NALF1: variants seen among roughly 807,000 people sequenced by gnomAD.
NALF1 encodes the protein NALCN channel auxiliary factor 1, also known as family with sequence similarity 155 member A.
In NALF1, 3 loss-of-function variants were observed where a neutral mutation model predicts 48.4. The ratio of observed to expected loss-of-function variants is 0.06; its 90% CI spans 0.03 to 0.16. The LOEUF is 0.16. Ranked by LOEUF, NALF1 falls within the 10% of genes least tolerant of loss-of-function variation. The pLI is 1.00. For synonymous variants in NALF1, 262 were observed against 245.7 expected (o/e 1.07, Z -0.62); for missense variants, 526 against 571.5 (o/e 0.92, Z 0.81).
intron 1 of NALF1, among the ~76,000 whole-genome samples, chr13:107,572,353 T>C (rs1458377992): frequency 6.6e-6 from 1 of 152,150 alleles, no homozygotes; most frequent in Non-Finnish European, 1.5e-5. Context: ...GGATACTTAC[T>C]GCCCATTATA....
chr13:107,514,366 T>C (rs1171775747), intron 1 of NALF1, among the ~76,000 whole-genome samples: 2 of 152,182 alleles, frequency 1.3e-5, no homozygotes, highest in Non-Finnish European at 2.9e-5. Context: ...CACATGTCAA[T>C]GAACAAATGG....
intron 1 of NALF1, among the ~76,000 whole-genome samples, chr13:107,354,281 T>C (rs979595258): frequency 4.6e-5 from 7 of 152,160 alleles, no homozygotes; most frequent in African/African-American, 1.7e-4. Flanking sequence ...AGAGTACACT[T>C]GTGCTGCACG....
At chr13:107,379,638 A>T (rs1883397244) in intron 1 of NALF1, among the ~76,000 whole-genome samples, 1 of 151,918 alleles carries the variant, frequency 6.6e-6, no homozygotes, top group Non-Finnish European at 1.5e-5. Context: ...TGTGCTCAGG[A>T]CTCCAGGAGT....
At chr13:107,637,069 T>C (rs1879997787) in intron 1 of NALF1, among the ~76,000 whole-genome samples, 1 of 151,848 alleles carries the variant, frequency 6.6e-6, no homozygotes, top group Admixed American at 6.6e-5. Flanking sequence ...CTATACAGAT[T>C]TGCAGCCTAG....
At chr13:107,400,025 C>A (rs565650853) in intron 1 of NALF1, among the ~76,000 whole-genome samples, 6 of 151,944 alleles carry the variant, frequency 3.9e-5, no homozygotes, top group African/African-American at 1.4e-4. Context: ...GACAATAGAA[C>A]TAAAATTTTT....
At chr13:107,270,521 G>A (rs1218343124) in intron 1 of NALF1, among the ~76,000 whole-genome samples, 2 of 151,936 alleles carry the variant, frequency 1.3e-5, no homozygotes, top group Non-Finnish European at 2.9e-5. Context: ...TGTTAGGTGT[G>A]ATTTTCAGTA....
chr13:107,686,816 C>G (rs911115646), intron 1 of NALF1, among the ~76,000 whole-genome samples: 3 of 151,900 alleles, frequency 2.0e-5, no homozygotes, highest in African/African-American at 7.3e-5. Context: ...TTGGTGAGGG[C>G]GTGGAGAAAA....
chr13:107,456,010 A>G (rs890923613), intron 1 of NALF1, among the ~76,000 whole-genome samples: 1 of 152,174 alleles, frequency 6.6e-6, no homozygotes, highest in African/African-American at 2.4e-5. Flanking sequence ...TTGTGGGCAA[A>G]AGTTTTAAAC....
At chr13:107,191,935 G>A (rs1197178694) in intron 2 of NALF1, among the ~76,000 whole-genome samples, 2 of 149,298 alleles carry the variant, frequency 1.3e-5, no homozygotes, top group Admixed American at 6.8e-5. Context: ...GCCCACCTTG[G>A]CTTCCCAAAG....
At chr13:107,438,827 CAAAAAA>C (rs61686895) in intron 1 of NALF1, among the ~76,000 whole-genome samples, 34 of 17,956 alleles carry the variant, frequency 1.9e-3, no homozygotes, top group African/African-American at 5.1e-3. Flanking sequence ...GACTCCATCT[CAAAAAA>C]AAAAAAAAAA....
intron 1 of NALF1, among the ~76,000 whole-genome samples, chr13:107,442,379 C>A (rs1884574997): frequency 6.6e-6 from 1 of 152,168 alleles, no homozygotes; most frequent in African/African-American, 2.4e-5. Context: ...CTATGAAAAG[C>A]AAAGCAAAAG....
At chr13:107,367,841 T>C (rs1019082030) in intron 1 of NALF1, among the ~76,000 whole-genome samples, 1 of 152,186 alleles carries the variant, frequency 6.6e-6, no homozygotes, top group African/African-American at 2.4e-5. Flanking sequence ...AGGGAACTCA[T>C]GCAGACTAGT....
At chr13:107,665,014 T>C (rs961986627) in intron 1 of NALF1, among the ~76,000 whole-genome samples, 1 of 152,102 alleles carries the variant, frequency 6.6e-6, no homozygotes, top group South Asian at 2.1e-4. Flanking sequence ...GACAATATGG[T>C]ACTTAAAAGC....
At chr13:107,784,760 G>A (rs925084833) in intron 1 of NALF1, among the ~76,000 whole-genome samples, 1 of 152,062 alleles carries the variant, frequency 6.6e-6, no homozygotes, top group East Asian at 1.9e-4. Context: ...GTAGATGTTG[G>A]CGTGGATGTG....
At chr13:107,743,578 C>A (rs1045054294) in intron 1 of NALF1, among the ~76,000 whole-genome samples, 4 of 152,194 alleles carry the variant, frequency 2.6e-5, no homozygotes, top group African/African-American at 7.2e-5. Flanking sequence ...ATTATATACA[C>A]AACACCTTCC....
At chr13:107,188,469 T>A (rs1292154096) in intron 2 of NALF1, among the ~76,000 whole-genome samples, 1 of 15,988 alleles carries the variant, frequency 6.3e-5, no homozygotes, top group Non-Finnish European at 9.3e-5. Context: ...GCAGAAAGAA[T>A]TCTGCAAATT....
At chr13:107,485,806 GGTCTTT>G (rs1279531073) in intron 1 of NALF1, among the ~76,000 whole-genome samples, 3 of 152,066 alleles carry the variant, frequency 2.0e-5, no homozygotes, top group Non-Finnish European at 4.4e-5. Flanking sequence ...GTACACTCAG[GGTCTTT>G]GTTTAGGTGG....
chr13:107,552,174 C>T (rs906954280), intron 1 of NALF1, among the ~76,000 whole-genome samples: 1 of 152,044 alleles, frequency 6.6e-6, no homozygotes, highest in African/African-American at 2.4e-5. Flanking sequence ...TAGACATATT[C>T]CCTTACTACA....
rs373600739 is a variant in NALF1 at position 107,818,211 on chromosome 13, G to C, written c.915+47471C>G. Among the ~76,000 whole-genome samples, 157 of 152,194 alleles carry C rather than the reference G, an allele frequency of 1.0e-3. 1 individual carries two copies. Among genetic ancestry groups the C allele is most frequent in the South Asian group, 7.5e-3 (36 of 4,818 alleles). ...CTTGAGGAGAGGTAAGCTTGCTCCC[G>C]TTCAGTTAGACACACGGAGGGGCTG... is the stretch of plus-strand genomic sequence containing the variant. On this transcript the variant is annotated intron_variant, in intron 1 of 2. Transcript: ENST00000375915.
Sources: allele counts gnomAD v4.1 joint callset (sites outside exome capture counted in the v4.1 genomes callset), GRCh38; gene constraint gnomAD v4.1.1; transcripts MANE v1.5; gene names NCBI Gene and HGNC (gene_info 2026-07-23, HGNC 2026-07-21).